The following SDK2 variants were observed in gnomAD, a reference collection of about 807,000 sequenced individuals.
The protein encoded by SDK2 is protein sidekick-2.
Under a neutral mutation model 253.9 loss-of-function variants are expected in SDK2, and 105 were observed. The observed-to-expected ratio is 0.41, with a 90% CI of 0.35 to 0.49. The LOEUF (loss-of-function observed/expected upper bound fraction) is 0.49. SDK2 is among the 20% of genes least tolerant of loss of function. The pLI is 0.06. For synonymous variants in SDK2, 1,249 were observed against 1,234.9 expected (o/e 1.01, Z -0.24); for missense variants, 2,608 against 3,003.0 (o/e 0.87, Z 3.07).
intron 1 of SDK2, among the ~76,000 whole-genome samples, chr17:73,555,434 G>A (rs949624026): frequency 2.0e-4 from 30 of 152,214 alleles, no homozygotes; most frequent in African/African-American, 4.3e-4. Context: ...CTTGGACTCC[G>A]CGCAGCTCAT....
chr17:73,447,618 C>T lies in SDK2; in HGVS notation c.610G>A (p.Glu204Lys). The T allele has an allele frequency of 7.7e-6, 12 of 1,551,962 alleles. No homozygotes were observed. Among genetic ancestry groups the T allele is most frequent in the Middle Eastern group, 1.7e-4 (1 of 5,994 alleles). Residue 204 changes from glutamate (E) to lysine (K), a missense_variant, in exon 5 of 45, where the codon GAG becomes AAG. Glu to Lys is a moderately conservative substitution (Grantham distance 56). Coordinates refer to ENST00000392650, the MANE Select transcript of SDK2 (RefSeq NM_001144952.2). This position sits in a 1 kb window ranked among gnomAD's most constrained non-coding sequence, Gnocchi z 4.0. ...TCCCGGCCCTGTGCGTACTTACTCT[C>T]CACGGTGAGCGTGATGGGCTGGCTG... The part of the protein sequence containing the change: ...KTSQPITLTV[E>K]NVGGPADPIA...
At chr17:73,374,943 G>A (rs753555580) in intron 36 of SDK2, among the ~76,000 whole-genome samples, 1 of 152,168 alleles carries the variant, frequency 6.6e-6, no homozygotes, top group East Asian at 1.9e-4. Context: ...AGCAGCCAGC[G>A]GGACCCTCTG....
chr17:73,395,159 C>A lies in SDK2; in HGVS notation c.3588G>T (p.Glu1196Asp). Residue 1196 changes from glutamate to aspartate, a missense_variant, in exon 25 of 45, where the codon GAG becomes GAT. Glu to Asp is a conservative substitution (Grantham distance 45). This residue lies in a region of SDK2 where 1,505 missense variants were observed against 1,859.1 expected (regional missense o/e 0.81). Transcript: ENST00000392650. This position sits in a 1 kb window ranked among gnomAD's most constrained non-coding sequence, Gnocchi z 4.3. Reference protein sequence around the residue: ...WSQTVVGRTRESVPSSGPTNV... With the variant: ...WSQTVVGRTRDSVPSSGPTNV... ...CTGGGTGTGAGGGGTTGGTACCTGA[C>A]TCCCGGGTCCTGCCCACCACCGTCT... 6.3e-7 allele frequency: 1 copy of A among 1,587,760 alleles called. No homozygotes were observed. Among genetic ancestry groups the A allele is most frequent in the Non-Finnish European group, 8.6e-7 (1 of 1,168,826 alleles).
chr17:73,635,072 G>A (rs1009278533), intron 1 of SDK2, among the ~76,000 whole-genome samples: 21 of 151,582 alleles, frequency 1.4e-4, no homozygotes, highest in Non-Finnish European at 5.9e-5. Flanking sequence ...AGCAACCTTC[G>A]CCTCCCAGGT....
chr17:73,492,581 C>T (rs2063813441), intron 2 of SDK2, among the ~76,000 whole-genome samples: 1 of 152,214 alleles, frequency 6.6e-6, no homozygotes. Flanking sequence ...ACACCAGCAT[C>T]TCTCAGCCCC....
At chr17:73,454,351 C>T (rs1474630252) in intron 4 of SDK2, among the ~76,000 whole-genome samples, 1 of 152,220 alleles carries the variant, frequency 6.6e-6, no homozygotes, top group South Asian at 2.1e-4. Flanking sequence ...TCACATAATA[C>T]AAGAATTAAA....
At chr17:73,475,548 C>T (rs561318020) in intron 2 of SDK2, among the ~76,000 whole-genome samples, 323 of 152,260 alleles carry the variant, frequency 2.1e-3, no homozygotes, top group Middle Eastern at 0.017. Context: ...GACAAACAAA[C>T]GAAAGCTAGA....
intron 1 of SDK2, among the ~76,000 whole-genome samples, chr17:73,613,296 C>T (rs997250197): frequency 1.3e-5 from 2 of 152,098 alleles, no homozygotes; most frequent in Admixed American, 6.5e-5. Flanking sequence ...CTCCAAGCCC[C>T]GTCTCCCTGG....
chr17:73,571,542 G>A (rs1189639768), intron 1 of SDK2, among the ~76,000 whole-genome samples: 2 of 152,150 alleles, frequency 1.3e-5, no homozygotes, highest in East Asian at 1.9e-4. Flanking sequence ...GTGGCCCCCC[G>A]GGCGCTCTAA....
At position 73,395,275 on chromosome 17, in the gene SDK2, G is replaced by A. The variant is rs974050104; in HGVS notation, c.3472C>T (p.Arg1158Trp). The A allele has an allele frequency of 1.2e-5, 20 of 1,613,754 alleles. No individual in the cohort carries two copies. The highest frequency in any genetic ancestry group is 4.5e-5 in the East Asian group (2 of 44,898). The change falls in exon 25 of 45, where the codon CGG becomes TGG. Residue 1158 changes from arginine (R) to tryptophan (W), a missense_variant. By Grantham distance (101) the Arg-to-Trp change is moderately radical (BLOSUM62 -3). Coordinates refer to ENST00000392650, the MANE Select transcript of SDK2 (RefSeq NM_001144952.2). The surrounding 1 kb of genome is among the most constrained non-coding windows in gnomAD (Gnocchi z 4.3). Reference sequence around the variant, plus strand: ...TCCAGGTCCTCGATGGTGTAGTCCCGCTCCACACGGTCCTGCACCACGTGG... The same window carrying A: ...TCCAGGTCCTCGATGGTGTAGTCCCACTCCACACGGTCCTGCACCACGTGG... ...LSHVVQDRVE[R>W]DYTIEDLEEW...
Position 73,643,968 on chromosome 17 carries a change from C to T in SDK2, c.64+57G>A. The T allele has an allele frequency of 1.1e-6, 1 of 944,390 alleles. No individual in the cohort carries two copies. Among genetic ancestry groups the T allele is most frequent in the East Asian group, 2.8e-5 (1 of 36,170 alleles). 58.5% of individuals were successfully genotyped at this position (944,390 alleles called of 1,614,324 possible). ...TGAGGCCGGCCAGCTCCCGCCGCCC[C>T]TCCCCCGCCCACTCTCCCAGCCCCC... On this transcript the variant is annotated intron_variant, in intron 1 of 44. Coordinates refer to ENST00000392650, the MANE Select transcript of SDK2 (RefSeq NM_001144952.2). The surrounding 1 kb of genome is among the most constrained non-coding windows in gnomAD (Gnocchi z 6.9).
chr17:73,438,330 C>T (rs1260067443), intron 6 of SDK2, among the ~76,000 whole-genome samples, 176 bp from the exon 7 acceptor site: 1 of 152,168 alleles, frequency 6.6e-6, no homozygotes, highest in African/African-American at 2.4e-5. Context: ...CTCTGGGTCT[C>T]ACTTTCCTCT....
chr17:73,577,191 G>C (rs1215577155), intron 1 of SDK2, among the ~76,000 whole-genome samples: 1 of 152,240 alleles, frequency 6.6e-6, no homozygotes, highest in South Asian at 2.1e-4. Flanking sequence ...ACACAGAAGA[G>C]TGAAGGAATT....
At chr17:73,527,236 G>A (rs1178642286) in intron 1 of SDK2, among the ~76,000 whole-genome samples, 1 of 152,192 alleles carries the variant, frequency 6.6e-6, no homozygotes, top group Non-Finnish European at 1.5e-5. Context: ...ACAGGGGGAG[G>A]GGAGCAGGAT....
intron 1 of SDK2, among the ~76,000 whole-genome samples, chr17:73,555,849 C>T (rs1051938784): frequency 1.3e-5 from 2 of 152,214 alleles, no homozygotes; most frequent in Non-Finnish European, 2.9e-5. Flanking sequence ...ACTCCAAACA[C>T]CTGGGGAGGT....
At position 73,609,284 on chromosome 17, in the gene SDK2, G is replaced by A. The variant is rs2045945774; in HGVS notation, c.64+34741C>T. ...GCAGAGGTTGGATGAGATCACCAAG[G>A]GGTGGGTACTCATGGAAAGGAGGAG... is the stretch of plus-strand genomic sequence containing the variant. On this transcript the variant is annotated intron_variant, in intron 1 of 44. Coordinates refer to ENST00000392650, the MANE Select transcript of SDK2 (RefSeq NM_001144952.2). This position sits in a 1 kb window ranked among gnomAD's most constrained non-coding sequence, Gnocchi z 4.4. Among the ~76,000 whole-genome samples, 1 of 152,176 alleles carries A rather than the reference G, an allele frequency of 6.6e-6. No homozygotes were observed. The highest frequency in any genetic ancestry group is 1.5e-5 in the Non-Finnish European group (1 of 68,036).
At chr17:73,392,780 G>C (rs942408074) in intron 27 of SDK2, among the ~76,000 whole-genome samples, 1 of 152,112 alleles carries the variant, frequency 6.6e-6, no homozygotes, top group Admixed American at 6.6e-5. Flanking sequence ...GGGGAGATAG[G>C]AGGGGGCAAG....
At chr17:73,617,254 T>C (rs1162958104) in intron 1 of SDK2, among the ~76,000 whole-genome samples, 1 of 88,988 alleles carries the variant, frequency 1.1e-5, no homozygotes, top group African/African-American at 4.5e-5. Flanking sequence ...AGAGGCCTCC[T>C]GCAGAGGGGA....
rs1054284436 is a variant in SDK2 at position 73,337,645 on chromosome 17, G to C, written c.*942C>G. 1 of 152,328 alleles carries C rather than the reference G, an allele frequency of 6.6e-6. No homozygotes were observed. The highest frequency in any genetic ancestry group is 1.5e-5 in the Non-Finnish European group (1 of 68,140). 9.4% of individuals were successfully genotyped at this position (152,328 alleles called of 1,614,324 possible). On this transcript the variant is annotated 3_prime_UTR_variant, in exon 45 of 45. Transcript: ENST00000392650. ...TTAAAGAGAGGACGGATGGAACCTG[G>C]ATTGGAAGAAAGAGAACAGTCAAAG...
Sources: gnomAD v4.1 joint callset for allele counts (sites outside exome capture counted in the v4.1 genomes callset) on GRCh38, gnomAD v4.1.1 for gene constraint, gnomAD v4.1.1 regional missense constraint, Gnocchi (gnomAD v3.1) non-coding constraint, MANE v1.5 for transcripts, NCBI Gene and HGNC (gene_info 2026-07-23, HGNC 2026-07-21) for gene names.